Variants in CGNL1 observed in about 807,000 individuals in gnomAD.
The protein encoded by CGNL1 is cingulin-like protein 1.
A neutral mutation model predicts 141.2 loss-of-function variants in CGNL1; 132 were observed. The observed-to-expected ratio is 0.93, with a 90% CI of 0.81 to 1.08. CGNL1 has a LOEUF of 1.08. Among genes scored for constraint, CGNL1 ranks in the 50% least tolerant of loss-of-function variants. The pLI is 0.00. For synonymous variants in CGNL1, 690 were observed against 622.1 expected, an observed-to-expected ratio of 1.11 and a Z score of -1.63; for missense variants, 1,870 against 1,588.6, an observed-to-expected ratio of 1.18 and a Z score of -3.01.
chr15:57,403,315 C>T (rs1229233669), intron 1 of CGNL1, among the ~76,000 whole-genome samples: 4 of 152,176 alleles, frequency 2.6e-5, no homozygotes, highest in African/African-American at 9.7e-5. Flanking sequence ...CAAGACTCTG[C>T]TGCTAAGAAA....
chr15:57,448,737 A>G (rs1437437394), intron 4 of CGNL1, among the ~76,000 whole-genome samples: 1 of 151,826 alleles, frequency 6.6e-6, no homozygotes, highest in Non-Finnish European at 1.5e-5. Context: ...TTATCTGTTA[A>G]CTTTAACATC....
intron 1 of CGNL1, among the ~76,000 whole-genome samples, chr15:57,427,972 C>G (rs1213747226): frequency 6.7e-6 from 1 of 148,416 alleles, no homozygotes; most frequent in Non-Finnish European, 1.5e-5. Context: ...AAAACCTTGA[C>G]TTTTTTTTTT....
intron 15 of CGNL1, 124 bp downstream of exon 15, chr15:57,543,903 G>T: frequency 1.5e-6 from 1 of 653,872 alleles, no homozygotes. Context: ...ACTCTGGGGG[G>T]TAACAGTCCT....
At chr15:57,411,753 C>G (rs2062790863) in intron 1 of CGNL1, among the ~76,000 whole-genome samples, 1 of 151,724 alleles carries the variant, frequency 6.6e-6, no homozygotes, top group East Asian at 1.9e-4. Context: ...CCAGATCTCA[C>G]TAGTTTTTTT....
At chr15:57,422,994 G>T (rs2062932894) in intron 1 of CGNL1, among the ~76,000 whole-genome samples, 1 of 152,166 alleles carries the variant, frequency 6.6e-6, no homozygotes, top group African/African-American at 2.4e-5. Flanking sequence ...GGAGTAGTTT[G>T]GGGGTAGAAG....
intron 8 of CGNL1, among the ~76,000 whole-genome samples, chr15:57,499,883 A>T (rs778369178): frequency 6.6e-6 from 1 of 152,178 alleles, no homozygotes; most frequent in East Asian, 1.9e-4. Flanking sequence ...GGTAGACTGA[A>T]TTCAATTTAG....
At chr15:57,486,865 G>C (rs538993101) in intron 8 of CGNL1, among the ~76,000 whole-genome samples, 2 of 152,296 alleles carry the variant, frequency 1.3e-5, no homozygotes, top group South Asian at 2.1e-4. Context: ...TGCTCCTGAG[G>C]GGGAGGCTGT....
intron 14 of CGNL1, among the ~76,000 whole-genome samples, chr15:57,534,021 A>G (rs751639734): frequency 1.3e-5 from 2 of 152,302 alleles, no homozygotes; most frequent in Admixed American, 6.5e-5. Flanking sequence ...TCTAAAATCT[A>G]TCAAAAGGAA....
chr15:57,496,964 G>A (rs1252646219), intron 8 of CGNL1, among the ~76,000 whole-genome samples: 4 of 152,162 alleles, frequency 2.6e-5, no homozygotes, highest in Admixed American at 6.5e-5. Context: ...TGCTGAGTCC[G>A]GCAATGCTGA....
chr15:57,493,373 C>CAGG (rs1422097136), intron 8 of CGNL1, among the ~76,000 whole-genome samples: 2 of 152,122 alleles, frequency 1.3e-5, no homozygotes, highest in Non-Finnish European at 2.9e-5. Flanking sequence ...TGATGGATGA[C>CAGG]AGGACTCTTG....
intron 1 of CGNL1, among the ~76,000 whole-genome samples, chr15:57,388,743 C>G (rs1309484291): frequency 6.6e-6 from 1 of 152,198 alleles, no homozygotes; most frequent in Non-Finnish European, 1.5e-5. Flanking sequence ...CTTGGCAAAT[C>G]TATTAAAGTT....
intron 7 of CGNL1, among the ~76,000 whole-genome samples, chr15:57,458,700 G>A (rs899194971): frequency 2.6e-5 from 4 of 152,158 alleles, no homozygotes; most frequent in Non-Finnish European, 5.9e-5. Context: ...GGGGGTAGCC[G>A]GAAGCAACAG....
chr15:57,543,267 G>A (rs1490018561), intron 14 of CGNL1, among the ~76,000 whole-genome samples: 1 of 151,922 alleles, frequency 6.6e-6, no homozygotes, highest in Non-Finnish European at 1.5e-5. Context: ...CCCTGTGTAC[G>A]TGTTTGTCTC....
At chr15:57,473,951 C>A (rs2063618064) in intron 8 of CGNL1, among the ~76,000 whole-genome samples, 1 of 135,124 alleles carries the variant, frequency 7.4e-6, no homozygotes, top group African/African-American at 2.7e-5. Flanking sequence ...ACTCTGTTGC[C>A]CAGGCTGGAG....
intron 1 of CGNL1, among the ~76,000 whole-genome samples, chr15:57,430,321 C>T (rs1328276968): frequency 2.0e-5 from 3 of 152,128 alleles, no homozygotes; most frequent in South Asian, 2.1e-4. Flanking sequence ...CTTAAACTTT[C>T]GTAGCTTAGC....
At chr15:57,500,880 A>G in intron 8 of CGNL1, among the ~76,000 whole-genome samples, 1 of 152,234 alleles carries the variant, frequency 6.6e-6, no homozygotes, top group East Asian at 1.9e-4. Context: ...TGGAAGTTGA[A>G]GGAATTTTCT....
intron 13 of CGNL1, among the ~76,000 whole-genome samples, chr15:57,530,868 T>C (rs1266242949): frequency 6.6e-6 from 1 of 152,220 alleles, no homozygotes; most frequent in Non-Finnish European, 1.5e-5. Context: ...ACAATATTTA[T>C]ATACAAATGC....
chr15:57,477,214 A>T (rs1311833613), intron 8 of CGNL1, among the ~76,000 whole-genome samples: 1 of 152,202 alleles, frequency 6.6e-6, no homozygotes, highest in African/African-American at 2.4e-5. Context: ...GATAGAGTCC[A>T]GAGAAGGTGG....
chr15:57,413,181 C>CTT (rs1204592234), intron 1 of CGNL1, among the ~76,000 whole-genome samples: 119 of 150,846 alleles, frequency 7.9e-4, no homozygotes, highest in African/African-American at 2.8e-3. Context: ...TTCTTTCTTT[C>CTT]TTTCTCTCTT....
Sources: gnomAD v4.1 joint callset for allele counts (sites outside exome capture counted in the v4.1 genomes callset) on GRCh38, gnomAD v4.1.1 for gene constraint, MANE v1.5 for transcripts, NCBI Gene and HGNC (gene_info 2026-07-23, HGNC 2026-07-21) for gene names.